The following INF2 variants were observed in gnomAD, a reference collection of about 807,000 sequenced individuals.
INF2 encodes the protein inverted formin-2.
Under a neutral mutation model 123.5 loss-of-function variants are expected in INF2, and 43 were observed. The ratio of observed to expected loss-of-function variants is 0.35; its 90% CI spans 0.27 to 0.45. The LOEUF is 0.45. Among genes scored for constraint, INF2 ranks in the 20% least tolerant of loss-of-function variants. The pLI is 1.00. For synonymous variants in INF2, 851 were observed against 745.0 expected (o/e 1.14, Z -2.32); for missense variants, 1,453 against 1,682.7 (o/e 0.86, Z 2.39).
At chr14:104,689,819 A>G in intron 1 of INF2, 80 bp downstream of exon 1, 1 of 841,784 alleles carries the variant, frequency 1.2e-6, no homozygotes, top group Non-Finnish European at 1.4e-6. Context: ...GCTTGGGTCC[A>G]GGAGCGAGGT....
Position 104,701,665 on chromosome 14 carries a change from C to G in INF2, c.300C>G (p.Thr100=), listed in dbSNP as rs755925568. ...TCTCCGACGCCCTGCTGCAGCTCAC[C>G]TGCGTCAGCTGCGTGCGCGCCGTCA... ...ARISDALLQL[T]CVSCVRAVMN... is the part of the protein sequence containing the mutation. The change falls in exon 2 of 23, where the codon ACC becomes ACG. Residue 100 remains threonine, a synonymous_variant. Coordinates refer to ENST00000392634, the MANE Select transcript of INF2 (RefSeq NM_022489.4). 1.4e-5 allele frequency: 23 copies of G among 1,588,840 alleles called. No individual in the cohort carries two copies. Among genetic ancestry groups the G allele is most frequent in the Admixed American group, 6.9e-5 (4 of 58,246 alleles).
At chr14:104,697,725 G>A (rs1889257113) in intron 1 of INF2, among the ~76,000 whole-genome samples, 1 of 152,264 alleles carries the variant, frequency 6.6e-6, no homozygotes, top group Non-Finnish European at 1.5e-5. Context: ...GAGAGGCATG[G>A]CCCCGTCCTC....
chr14:104,712,558 G>A lies in INF2; in HGVS notation c.2610+5G>A, dbSNP rs1890103844. The A allele has an allele frequency of 6.2e-7, 1 of 1,612,502 alleles. No individual in the cohort carries two copies. The highest frequency in any genetic ancestry group is 1.3e-5 in the African/African-American group (1 of 74,948). ...CAGTACACCGAGCGCCTCCAGGCAA[G>A]TGGGCACCTGGGCCTGGGGCTGGCG... On this transcript the variant is annotated splice_donor_5th_base_variant and intron_variant, in intron 17 of 22. Coordinates refer to ENST00000392634, the MANE Select transcript of INF2 (RefSeq NM_022489.4).
chr14:104,698,024 C>T (rs892797619), intron 1 of INF2, among the ~76,000 whole-genome samples: 15 of 152,362 alleles, frequency 9.8e-5, no homozygotes, highest in Non-Finnish European at 1.6e-4. Flanking sequence ...GAGCTGGTGC[C>T]GGCTGTAGAA....
rs745593616 is a variant in INF2 at position 104,699,624 on chromosome 14, A to G, written c.-9-1733A>G. 297 of 977,380 alleles carry G rather than the reference A, an allele frequency of 3.0e-4. No individual in the cohort carries two copies. Among genetic ancestry groups the G allele is most frequent in the Non-Finnish European group, 3.4e-4 (278 of 824,242 alleles). 60.5% of individuals were successfully genotyped at this position (977,380 alleles called of 1,614,324 possible). ...GTGAGTGGACGGCCACTGGGTGACC[A>G]AGAGGGCCGGGCCTGGGAGGGTGGC... is the stretch of plus-strand genomic sequence containing the variant. On this transcript the variant is annotated intron_variant, in intron 1 of 22. Coordinates refer to ENST00000392634, the MANE Select transcript of INF2 (RefSeq NM_022489.4). This position sits in a 1 kb window ranked among gnomAD's most constrained non-coding sequence, Gnocchi z 4.7.
At chr14:104,709,147 G>T (rs1001613087) in intron 10 of INF2, 134 bp from the exon 11 acceptor site, 1 of 686,116 alleles carries the variant, frequency 1.5e-6, no homozygotes, top group South Asian at 1.7e-5. Context: ...GCAACAACTC[G>T]ACTGTTCTGT....
chr14:104,717,272 A>C (rs1890343627), intron 22 of INF2, among the ~76,000 whole-genome samples: 1 of 130,668 alleles, frequency 7.7e-6, no homozygotes, highest in Non-Finnish European at 1.6e-5. Context: ...CCCACCGGGC[A>C]GGGTGCGCTG....
At chr14:104,712,394 A>T in intron 16 of INF2, 39 bp from the exon 17 acceptor site, 1 of 1,610,774 alleles carries the variant, frequency 6.2e-7, no homozygotes. Context: ...GGCTGACGTC[A>T]GCCGTTGCTG....
At chr14:104,718,702 G>A (rs1890432907) in intron 22 of INF2, 93 bp from the exon 23 acceptor site, 1 of 1,565,112 alleles carries the variant, frequency 6.4e-7, no homozygotes, top group Non-Finnish European at 8.7e-7. Flanking sequence ...GTGGCGATGA[G>A]GGGTTCAGGG....
intron 13 of INF2, 64 bp downstream of exon 13, chr14:104,710,252 C>A: frequency 8.0e-7 from 1 of 1,251,692 alleles, no homozygotes; most frequent in Non-Finnish European, 1.1e-6. Context: ...GGCGGGAGGG[C>A]TGCTCGGGGC....
intron 22 of INF2, chr14:104,717,532 TATC>T (rs1890367552): frequency 2.0e-5 from 3 of 152,338 alleles, no homozygotes; most frequent in African/African-American, 7.2e-5. Context: ...TGTGTTTGGT[TATC>T]ATATCACTTC....
chr14:104,707,399 A>G lies in INF2; in HGVS notation c.1132A>G (p.Thr378Ala). Residue 378 changes from threonine (T) to alanine (A), a missense_variant, in exon 8 of 23, where the codon ACC becomes GCC. By Grantham distance (58) the Thr-to-Ala change is moderately conservative (BLOSUM62 0). Around this residue, in one of 8 missense-constraint regions of INF2, gnomAD observed 374 missense variants for 303.7 expected, o/e 1.23. Coordinates refer to ENST00000392634, the MANE Select transcript of INF2 (RefSeq NM_022489.4). Reference sequence around the variant, plus strand: ...GGGCAGCTCCCCGCAAAACACTACAACCCCCAAGCCCAGCGTGGAGGGCCA... The same window carrying G: ...GGGCAGCTCCCCGCAAAACACTACAGCCCCCAAGCCCAGCGTGGAGGGCCA... ...QRGSSPQNTT[T>A]PKPSVEGQQP... 6.3e-7 allele frequency: 1 copy of G among 1,585,616 alleles called. No homozygotes were observed. The highest frequency in any genetic ancestry group is 8.6e-7 in the Non-Finnish European group (1 of 1,167,988).
chr14:104,702,497 G>A (rs1889573870), intron 2 of INF2, among the ~76,000 whole-genome samples: 1 of 152,268 alleles, frequency 6.6e-6, no homozygotes, highest in South Asian at 2.1e-4. Flanking sequence ...GCTGCTGCCA[G>A]GTCCTACCGA....
intron 1 of INF2, chr14:104,700,775 CG>C (rs1889441071): frequency 1.1e-6 from 1 of 916,888 alleles, no homozygotes; most frequent in Non-Finnish European, 1.3e-6. Context: ...CACATGCAGA[CG>C]GGCAGACTGA....
intron 1 of INF2, chr14:104,700,905 G>T: frequency 1.0e-6 from 1 of 979,444 alleles, no homozygotes; most frequent in East Asian, 1.1e-4. Flanking sequence ...TGGGGCGGGG[G>T]AAGTGCCCTG....
intron 4 of INF2, 130 bp downstream of exon 4, chr14:104,703,584 G>A (rs1292446768): frequency 7.3e-6 from 9 of 1,236,430 alleles, no homozygotes; most frequent in South Asian, 3.7e-5. Flanking sequence ...AGAGGAAGGC[G>A]CCATCTCGGG....
intron 5 of INF2, 148 bp downstream of exon 5, chr14:104,704,097 C>T: frequency 6.7e-7 from 1 of 1,495,920 alleles, no homozygotes; most frequent in Non-Finnish European, 8.9e-7. Context: ...AGGGGTCCAG[C>T]CAGAAGCCAG....
chr14:104,692,477 C>T (rs950765511), intron 1 of INF2, among the ~76,000 whole-genome samples: 2 of 152,202 alleles, frequency 1.3e-5, no homozygotes, highest in African/African-American at 4.8e-5. Context: ...GCCGAGGCCC[C>T]CCAGCCCTTG....
chr14:104,701,874 G>C (rs1293821651), intron 2 of INF2, 118 bp downstream of exon 2: 2 of 1,129,064 alleles, frequency 1.8e-6, no homozygotes, highest in Non-Finnish European at 2.4e-6. Context: ...AGCCAGGCAG[G>C]CAAGGAGGGC....
Sources: allele counts gnomAD v4.1 joint callset (sites outside exome capture counted in the v4.1 genomes callset), GRCh38; gene constraint gnomAD v4.1.1; regional missense constraint gnomAD v4.1.1; non-coding constraint Gnocchi (gnomAD v3.1); transcripts MANE v1.5; gene names NCBI Gene and HGNC (gene_info 2026-07-23, HGNC 2026-07-21).